PAX2: variants seen among roughly 807,000 people sequenced by gnomAD.
PAX2 encodes paired box 2, also known as paired box protein Pax-2.
Under a neutral mutation model 41.7 loss-of-function variants are expected in PAX2, and 9 were observed. The ratio of observed to expected loss-of-function variants is 0.22; its 90% confidence interval spans 0.13 to 0.38. PAX2 has a LOEUF of 0.38. PAX2 is among the 10% of genes least tolerant of loss of function. The pLI is 1.00. For synonymous variants in PAX2, 221 were observed against 212.7 expected (o/e 1.04, Z -0.34); for missense variants, 418 against 531.6 (o/e 0.79, Z 2.10).
At chr10:100,810,994 T>C (rs1398388433) in intron 7 of PAX2, among the ~76,000 whole-genome samples, 1 of 152,166 alleles carries the variant, frequency 6.6e-6, no homozygotes, top group Non-Finnish European at 1.5e-5. Context: ...CACTAACATC[T>C]CAATCTGTAT....
At chr10:100,746,536 C>T (rs1341730721) in intron 1 of PAX2, among the ~76,000 whole-genome samples, 1 of 152,212 alleles carries the variant, frequency 6.6e-6, no homozygotes, top group Admixed American at 6.5e-5. Context: ...TTCCTACCTT[C>T]CCTGATCCCT....
intron 3 of PAX2, among the ~76,000 whole-genome samples, chr10:100,752,305 G>A (rs552585125): frequency 1.1e-4 from 16 of 152,324 alleles, no homozygotes; most frequent in Admixed American, 5.2e-4. Flanking sequence ...AAAGCATAGC[G>A]ATTTGACATT....
intron 5 of PAX2, chr10:100,787,109 GC>G: frequency 1.7e-6 from 1 of 579,918 alleles, no homozygotes; most frequent in Non-Finnish European, 3.0e-6. Context: ...AAGGGCCAGA[GC>G]ATGGAAAAGG....
At chr10:100,752,518 G>A (rs1335671895) in intron 3 of PAX2, among the ~76,000 whole-genome samples, 1 of 152,216 alleles carries the variant, frequency 6.6e-6, no homozygotes, top group African/African-American at 2.4e-5. Flanking sequence ...TCCTGGGCAT[G>A]AGTTGGAACT....
At chr10:100,825,115 T>A in intron 8 of PAX2, 1 of 792,920 alleles carries the variant, frequency 1.3e-6, no homozygotes, top group Non-Finnish European at 2.2e-6. Context: ...TGCCCTGGTT[T>A]CCATGGAAAC....
intron 3 of PAX2, among the ~76,000 whole-genome samples, chr10:100,758,370 G>C (rs931606439): frequency 6.6e-6 from 1 of 152,078 alleles, no homozygotes; most frequent in Non-Finnish European, 1.5e-5. Context: ...TCGATCTCCT[G>C]ACCTCGTGAT....
chr10:100,752,214 AG>A (rs1845468224), intron 3 of PAX2, among the ~76,000 whole-genome samples: 2 of 152,334 alleles, frequency 1.3e-5, no homozygotes, highest in South Asian at 4.1e-4. Flanking sequence ...AGTTATGAAC[AG>A]GGTAACATAA....
intron 3 of PAX2, among the ~76,000 whole-genome samples, chr10:100,753,327 G>A (rs1845511508): frequency 6.6e-6 from 1 of 152,164 alleles, no homozygotes; most frequent in Non-Finnish European, 1.5e-5. Context: ...ATCCACCTGG[G>A]GAACCACGCT....
upstream of PAX2, among the ~76,000 whole-genome samples, chr10:100,742,339 G>A (rs1844985686): frequency 1.2e-5 from 1 of 85,866 alleles, no homozygotes; most frequent in Non-Finnish European, 2.4e-5. Context: ...CCGGTGCGTG[G>A]GTACACTCGA....
rs1845304976 is a variant in PAX2, at chr10:100,748,663, T to A, written c.44-1083T>A. On this transcript the variant is annotated intron_variant, in intron 1 of 9. Transcript: ENST00000355243. This position sits in a 1 kb window ranked among gnomAD's most constrained non-coding sequence, Gnocchi z 5.0. ...GGAGAATGGGGCACAGGAAGCACCC[T>A]CAGGCCTGGCACCCAGTGGCCGCCT... 1.0e-6 allele frequency: 1 copy of A among 985,410 alleles called. No individual in the cohort carries two copies. Among genetic ancestry groups the A allele is most frequent in the South Asian group, 4.7e-5 (1 of 21,278 alleles). The allele number at this position is 985,410 out of a possible 1,614,324, so 61.0% of individuals were successfully genotyped here. A position where few individuals can be genotyped will look rare whatever the true frequency, so the allele number is the denominator to read the frequency against.
intron 1 of PAX2, chr10:100,747,980 G>A: frequency 1.0e-6 from 1 of 984,000 alleles, no homozygotes; most frequent in African/African-American, 1.8e-5. Flanking sequence ...AGAGGTCGGA[G>A]GGAGAGAGCC....
At chr10:100,818,356 A>G (rs1022305777) in intron 7 of PAX2, among the ~76,000 whole-genome samples, 6 of 152,024 alleles carry the variant, frequency 3.9e-5, no homozygotes, top group African/African-American at 1.2e-4. Context: ...GAATGCTGAC[A>G]TTTTCCTTGA....
intron 6 of PAX2, 85 bp downstream of exon 6, chr10:100,806,690 T>G (rs1847795099): frequency 8.9e-7 from 1 of 1,126,976 alleles, no homozygotes; most frequent in South Asian, 1.2e-5. Flanking sequence ...AAACACCACA[T>G]GCATAGCCAG....
chr10:100,766,692 A>G (rs1298345503), intron 3 of PAX2, among the ~76,000 whole-genome samples: 1 of 152,224 alleles, frequency 6.6e-6, no homozygotes, highest in Non-Finnish European at 1.5e-5. Flanking sequence ...CTGCATCTCT[A>G]GAATCTTCCT....
At chr10:100,807,568 C>T (rs548070675) in intron 6 of PAX2, among the ~76,000 whole-genome samples, 4 of 152,344 alleles carry the variant, frequency 2.6e-5, no homozygotes, top group Non-Finnish European at 4.4e-5. Context: ...GCCCACGGTA[C>T]TCACAGCTAG....
At chr10:100,751,413 C>T (rs1392276011) in intron 3 of PAX2, among the ~76,000 whole-genome samples, 2 of 152,202 alleles carry the variant, frequency 1.3e-5, no homozygotes, top group African/African-American at 4.8e-5. Flanking sequence ...CACTGGGATC[C>T]GGGCTTGCAG....
Position 100,746,174 on chromosome 10 carries a change from C to A in PAX2, c.-87C>A. On this transcript the variant is annotated 5_prime_UTR_variant, in exon 1 of 10. Coordinates refer to ENST00000355243, the MANE Select transcript of PAX2 (RefSeq NM_000278.5). ...CACTCATCCTCCCTCCCCCACCGTC[C>A]CTCCCTTTTCTCCTCAAGTCCTGAA... The A allele has an allele frequency of 6.2e-7, 1 of 1,609,768 alleles. No individual in the cohort carries two copies. The highest frequency in any genetic ancestry group is 8.5e-7 in the Non-Finnish European group (1 of 1,177,964).
intron 3 of PAX2, among the ~76,000 whole-genome samples, chr10:100,774,582 C>T (rs1012348811): frequency 1.9e-4 from 29 of 152,218 alleles, no homozygotes; most frequent in Admixed American, 1.4e-3. Context: ...CTGCCTGCAT[C>T]GGCCTAAATT....
At chr10:100,792,710 C>A (rs988027430) in intron 5 of PAX2, among the ~76,000 whole-genome samples, 1 of 151,890 alleles carries the variant, frequency 6.6e-6, no homozygotes, top group Non-Finnish European at 1.5e-5. Context: ...CCTTTCTCCC[C>A]CCTGCTCTCT....
Sources: gnomAD v4.1 joint callset for allele counts (sites outside exome capture counted in the v4.1 genomes callset) on GRCh38, gnomAD v4.1.1 for gene constraint, Gnocchi (gnomAD v3.1) non-coding constraint, MANE v1.5 for transcripts, NCBI Gene and HGNC (gene_info 2026-07-23, HGNC 2026-07-21) for gene names.